KCNMA1: variants seen among roughly 807,000 people sequenced by gnomAD.
The protein encoded by KCNMA1 is Calcium-activated potassium channel subunit alpha-1.
Under a neutral mutation model 140.0 loss-of-function variants are expected in KCNMA1, and 29 were observed. The ratio of observed to expected loss-of-function variants is 0.21; its 90% CI spans 0.15 to 0.28. KCNMA1 has a LOEUF of 0.28. Among genes scored for constraint, KCNMA1 ranks in the 10% least tolerant of loss-of-function variants. The probability of loss-of-function intolerance (pLI) is 1.00; values close to 1 mark genes in which losing one functional copy is unlikely to be tolerated. For missense variants in KCNMA1, 880 were observed against 1,602.2 expected (o/e 0.55, Z 7.70); for synonymous variants, 612 against 611.9 (o/e 1.00, Z 0.00).
intron 5 of KCNMA1, among the ~76,000 whole-genome samples, chr10:77,136,272 G>A (rs529568105): frequency 5.3e-4 from 80 of 152,228 alleles, no homozygotes; most frequent in African/African-American, 1.8e-3. Flanking sequence ...TAGGTCTTAC[G>A]TCTGATACAT....
chr10:77,134,593 A>T (rs2574799), intron 5 of KCNMA1, among the ~76,000 whole-genome samples: 21,041 of 152,108 alleles, frequency 0.14, 3,602 homozygotes, highest in East Asian at 0.87. Flanking sequence ...GACAACGGTC[A>T]GGGCAATAAT....
intron 1 of KCNMA1, among the ~76,000 whole-genome samples, chr10:77,481,774 CAAAA>C (rs61269933): frequency 1.8e-3 from 244 of 132,760 alleles, no homozygotes; most frequent in Non-Finnish European, 1.6e-3. Context: ...GACTCTGTCT[CAAAA>C]AAAAAAAAAA....
intron 1 of KCNMA1, among the ~76,000 whole-genome samples, chr10:77,434,013 CT>C (rs1055337791): frequency 6.6e-6 from 1 of 152,198 alleles, no homozygotes; most frequent in Non-Finnish European, 1.5e-5. Context: ...CTCAGTTAAA[CT>C]TTTTATGTCA....
At chr10:77,258,039 A>G (rs2061177092) in intron 2 of KCNMA1, among the ~76,000 whole-genome samples, 1 of 152,058 alleles carries the variant, frequency 6.6e-6, no homozygotes, top group Admixed American at 6.6e-5. Context: ...GTGAATCTCC[A>G]CTCTGCCCCT....
intron 29 of KCNMA1, among the ~76,000 whole-genome samples, chr10:76,878,465 T>C (rs1389666765): frequency 6.6e-6 from 1 of 152,206 alleles, no homozygotes; most frequent in East Asian, 1.9e-4. Context: ...TTGGGGGGTC[T>C]AAACTAAACC....
intron 9 of KCNMA1, among the ~76,000 whole-genome samples, chr10:77,096,521 G>A (rs1483651979): frequency 2.0e-5 from 3 of 152,204 alleles, no homozygotes; most frequent in Admixed American, 6.5e-5. Context: ...CAGGTTCTGC[G>A]AGGGCGGGGA....
chr10:77,242,902 ACACACACACACACACACACAC>A (rs2057641910), intron 3 of KCNMA1, among the ~76,000 whole-genome samples: 1 of 127,750 alleles, frequency 7.8e-6, no homozygotes, highest in Non-Finnish European at 1.8e-5. Flanking sequence ...TGTTTCCTAC[ACACACACACACACACACACAC>A]ACACACACAC....
At chr10:77,470,346 A>G (rs753373454) in intron 1 of KCNMA1, among the ~76,000 whole-genome samples, 1 of 152,156 alleles carries the variant, frequency 6.6e-6, no homozygotes, top group Non-Finnish European at 1.5e-5. Context: ...GAAACGTGTC[A>G]CTAAAGCTGC....
intron 2 of KCNMA1, among the ~76,000 whole-genome samples, chr10:77,338,231 A>T (rs1310723015): frequency 6.6e-6 from 1 of 152,068 alleles, no homozygotes; most frequent in East Asian, 1.9e-4. Context: ...TGAAAATGCC[A>T]CTCAGGTTTC....
intron 1 of KCNMA1, among the ~76,000 whole-genome samples, chr10:77,633,885 G>C (rs191606049): frequency 9.9e-5 from 15 of 152,160 alleles, no homozygotes; most frequent in Admixed American, 9.2e-4. Flanking sequence ...GCTGGAAGAC[G>C]AGCAGAAGAT....
At chr10:76,942,335 C>G (rs2062728346) in intron 23 of KCNMA1, among the ~76,000 whole-genome samples, 1 of 152,164 alleles carries the variant, frequency 6.6e-6, no homozygotes, top group Admixed American at 6.5e-5. Context: ...TCAAAGGCCC[C>G]ACCACCTAAT....
chr10:76,949,413 G>A (rs1478251710), intron 21 of KCNMA1, 47 bp from the exon 22 acceptor site: 4 of 1,453,686 alleles, frequency 2.8e-6, no homozygotes, highest in Non-Finnish European at 3.8e-6. Flanking sequence ...GACTGCATAG[G>A]GCTGTTGTAA....
At position 77,269,224 on chromosome 10, in the gene KCNMA1, C is replaced by T. The variant is rs144115278; in HGVS notation, c.541-17968G>A. ...TTTTACCTTAACTCTCTTTCTTGGA[C>T]TTCTTAAAAAGCACAAGGAATAAGG... is the stretch of plus-strand genomic sequence containing the variant. On this transcript the variant is annotated intron_variant, in intron 2 of 27. Transcript: ENST00000286628. 2.2e-3 allele frequency among the ~76,000 whole-genome samples: 340 copies of T among 152,290 alleles called. 1 individual carries two copies. Among genetic ancestry groups the T allele is most frequent in the African/African-American group, 7.7e-3 (320 of 41,572 alleles).
At chr10:77,361,585 A>C (rs2093950722) in intron 2 of KCNMA1, among the ~76,000 whole-genome samples, 1 of 152,240 alleles carries the variant, frequency 6.6e-6, no homozygotes, top group Non-Finnish European at 1.5e-5. Flanking sequence ...GGTGCACGAA[A>C]GGAGTTTCCG....
At chr10:77,330,408 A>G (rs1323606112) in intron 2 of KCNMA1, among the ~76,000 whole-genome samples, 3 of 152,254 alleles carry the variant, frequency 2.0e-5, no homozygotes, top group Admixed American at 6.5e-5. Context: ...CAGATCACCA[A>G]GGTTAGTATC....
chr10:77,039,680 T>C (rs2094535659), intron 14 of KCNMA1, 43 bp from the exon 15 acceptor site: 1 of 1,272,834 alleles, frequency 7.9e-7, no homozygotes, highest in African/African-American at 1.5e-5. Context: ...AATATGACGG[T>C]GGGCTGTAAA....
At chr10:76,916,501 C>A (rs966445540) in intron 23 of KCNMA1, among the ~76,000 whole-genome samples, 19 of 152,240 alleles carry the variant, frequency 1.2e-4, no homozygotes, top group African/African-American at 4.6e-4. Flanking sequence ...AAGCATACGG[C>A]AGCTCCACGC....
At chr10:77,412,772 G>A (rs2096648108) in intron 1 of KCNMA1, among the ~76,000 whole-genome samples, 1 of 152,254 alleles carries the variant, frequency 6.6e-6, no homozygotes, top group Non-Finnish European at 1.5e-5. Context: ...GACTGCATCT[G>A]AGTGAAGGGA....
intron 17 of KCNMA1, chr10:77,012,299 C>T (rs1386310949): frequency 6.8e-7 from 1 of 1,462,210 alleles, no homozygotes; most frequent in Non-Finnish European, 9.0e-7. Flanking sequence ...AAAAAAGTTG[C>T]TGATGTGACA....
Sources: gnomAD v4.1 joint callset for allele counts (sites outside exome capture counted in the v4.1 genomes callset) on GRCh38, gnomAD v4.1.1 for gene constraint, MANE v1.5 for transcripts, NCBI Gene and HGNC (gene_info 2026-07-23, HGNC 2026-07-21) for gene names.